The following PLEKHN1 variants were observed in gnomAD, a reference collection of about 807,000 sequenced individuals.
PLEKHN1 encodes pleckstrin homology domain-containing family N member 1.
A neutral mutation model predicts 72.8 loss-of-function variants in PLEKHN1; 68 were observed. The observed-to-expected ratio is 0.93, with a 90% CI of 0.77 to 1.14. PLEKHN1 has a LOEUF of 1.14. Ranked by LOEUF, PLEKHN1 falls within the 50% of genes most tolerant of loss-of-function variation. The pLI is 0.00. For synonymous variants in PLEKHN1, 454 were observed against 371.6 expected (o/e 1.22, Z -2.55); for missense variants, 1,015 against 840.5 (o/e 1.21, Z -2.57).
chr1:970,899 C>T lies in PLEKHN1; in HGVS notation c.505C>T (p.Leu169=), dbSNP rs369446393. ...CGCAGGCCCACTGCCCGCACCCCTC[C>T]TGGTGCTCTGCCCCAGCCGGGCCGA... ...QITGPLPAPL[L]VLCPSRAELD... is the part of the protein sequence containing the mutation. Residue 169 remains leucine (L), a synonymous_variant, in exon 6 of 16, where the codon CTG becomes TTG. Coordinates refer to ENST00000379410, the MANE Select transcript of PLEKHN1 (RefSeq NM_032129.3). This position sits in a 1 kb window ranked among gnomAD's most constrained non-coding sequence, Gnocchi z 4.2. 217 of 1,610,894 alleles carry T rather than the reference C, an allele frequency of 1.3e-4. No homozygotes were observed. The highest frequency in any genetic ancestry group is 1.2e-4 in the Non-Finnish European group (147 of 1,179,834).
chr1:974,731 T>A lies in PLEKHN1; in HGVS notation c.*156T>A. The stretch of plus-strand genomic sequence containing the variant: ...TCAGAGCCCGTCCCTCAGCTCCTGT[T>A]CCTTGGTGCCAGCAGCTGGGGCAGG... On this transcript the variant is annotated 3_prime_UTR_variant, in exon 16 of 16. Transcript: ENST00000379410. The A allele has an allele frequency of 1.2e-6, 1 of 825,026 alleles. No homozygotes were observed. Among genetic ancestry groups the A allele is most frequent in the Non-Finnish European group, 1.8e-6 (1 of 567,216 alleles). 51.1% of individuals were successfully genotyped at this position (825,026 alleles called of 1,614,324 possible). A position where few individuals can be genotyped will look rare whatever the true frequency, so the allele number is the denominator to read the frequency against.
At position 973,501 on chromosome 1, in the gene PLEKHN1, T is replaced by G; in HGVS notation, c.1295T>G (p.Leu432Arg). 1.2e-6 allele frequency: 2 copies of G among 1,612,784 alleles called. No individual in the cohort carries two copies. The highest frequency in any genetic ancestry group is 1.7e-5 in the Admixed American group (1 of 59,994). ...VTPLHLDLTQ[L>R]HRLSLESSPD... ...ATTTCTCCCACCTCTGCCCTGCAGC[T>G]GCACAGGCTGAGCCTGGAGAGCAGC... Residue 432 changes from leucine (L) to arginine (R), a missense_variant and splice_region_variant, in exon 13 of 16, where the codon CTG (leucine) becomes CGG (arginine). Leu to Arg is a moderately radical substitution (Grantham distance 102). Coordinates refer to ENST00000379410, the MANE Select transcript of PLEKHN1 (RefSeq NM_032129.3).
chr1:971,148 C>A lies in PLEKHN1; in HGVS notation c.648C>A (p.His216Gln). The change falls in exon 7 of 16, where the codon CAC (histidine) becomes CAA (glutamine). Residue 216 changes from histidine to glutamine, a missense_variant. Transcript: ENST00000379410. ...CCCGGCTGCGGACGGCGTCAGGGCACGAACCCGGCGGCAGTGCTGTCTGTG... is the reference window on the plus strand; with the variant it reads ...CCCGGCTGCGGACGGCGTCAGGGCAAGAACCCGGCGGCAGTGCTGTCTGTG... ...RLTRLRTASG[H>Q]EPGGSAVCAS... The A allele has an allele frequency of 6.2e-7, 1 of 1,600,578 alleles. No homozygotes were observed. Among genetic ancestry groups the A allele is most frequent in the Non-Finnish European group, 8.5e-7 (1 of 1,174,608 alleles).
chr1:972,813 TG>T (rs2100476208), intron 10 of PLEKHN1, 47 bp from the exon 11 acceptor site: 7 of 930,554 alleles, frequency 7.5e-6, no homozygotes, highest in South Asian at 3.2e-5. Context: ...CAGGGGCGGG[TG>T]GGGAGGGGGT....
Position 971,198 on chromosome 1 carries a change from T to C in PLEKHN1, c.698T>C (p.Leu233Pro). The stretch of plus-strand genomic sequence containing the variant: ...GCCTCGAGGGTCAAGCTGCAGCACC[T>C]GCCCGCACAGGTGGGTGGGAGGTGC... ...VCASRVKLQHLPAQEQWDRLL... is the reference protein window; with the variant it reads ...VCASRVKLQHPPAQEQWDRLL... The change falls in exon 7 of 16, where the codon CTG (leucine) becomes CCG (proline). Residue 233 changes from leucine to proline, a missense_variant. Physicochemically the swap from Leu to Pro is moderately conservative, Grantham distance 98. Coordinates refer to ENST00000379410, the MANE Select transcript of PLEKHN1 (RefSeq NM_032129.3). 1 of 1,580,342 alleles carries C rather than the reference T, an allele frequency of 6.3e-7. No homozygotes were observed.
intron 8 of PLEKHN1, 57 bp from the exon 9 acceptor site, chr1:972,018 A>G: frequency 6.5e-7 from 1 of 1,541,014 alleles, no homozygotes; most frequent in African/African-American, 1.4e-5. Flanking sequence ...GGATGAGGCC[A>G]GGCGGGGCCC....
chr1:970,721 G>C lies in PLEKHN1; in HGVS notation c.447G>C (p.Pro149=), dbSNP rs772414679. Residue 149 remains proline (P), a synonymous_variant, in exon 5 of 16, where the codon CCG becomes CCC. Coordinates refer to ENST00000379410, the MANE Select transcript of PLEKHN1 (RefSeq NM_032129.3). This position sits in a 1 kb window ranked among gnomAD's most constrained non-coding sequence, Gnocchi z 4.2. The part of the protein sequence containing the change: ...LLPLTELSVC[P]LEGSREHAFQ... Reference sequence around the variant, plus strand: ...CGCTGACGGAGCTGAGTGTCTGCCCGCTCGAGGGGTCCCGAGAGCACGCCT... The same window carrying C: ...CGCTGACGGAGCTGAGTGTCTGCCCCCTCGAGGGGTCCCGAGAGCACGCCT... The C allele has an allele frequency of 2.5e-6, 4 of 1,602,102 alleles. No homozygotes were observed. The highest frequency in any genetic ancestry group is 3.4e-6 in the Non-Finnish European group (4 of 1,172,874).
Position 970,135 on chromosome 1 carries a change from C to T in PLEKHN1, c.184-142C>T, listed in dbSNP as rs181345069. On this transcript the variant is annotated intron_variant, in intron 2 of 15. Coordinates refer to ENST00000379410, the MANE Select transcript of PLEKHN1 (RefSeq NM_032129.3). The surrounding 1 kb of genome is among the most constrained non-coding windows in gnomAD (Gnocchi z 4.2). The stretch of plus-strand genomic sequence containing the variant: ...TGTGTGGCTGTGCACAGGTTCTGTG[C>T]CTGTGGGGGGCTGTTCTTCACATAT... 324 of 727,218 alleles carry T rather than the reference C, an allele frequency of 4.5e-4. 1 individual carries two copies. The African/African-American group carries it at 5.3e-3, about 12-fold the overall frequency. 45.0% of individuals were successfully genotyped at this position (727,218 alleles called of 1,614,324 possible). A position where few individuals can be genotyped will look rare whatever the true frequency, so the allele number is the denominator to read the frequency against.
At position 974,499 on chromosome 1, in the gene PLEKHN1, C is replaced by CT. The variant is rs762613280; in HGVS notation, c.1763dup (p.Leu588PhefsTer15). 1 of 1,612,716 alleles carries CT rather than the reference C, an allele frequency of 6.2e-7. No homozygotes were observed. Among genetic ancestry groups the CT allele is most frequent in the East Asian group, 2.2e-5 (1 of 44,876 alleles). ...GGCTACGACCACCTCTGGGACGAGA[C>CT]TTTGTCTTCCTCCCACCAGAAGTGC... On this transcript the variant is annotated frameshift_variant, in exon 16 of 16. Coordinates refer to ENST00000379410, the MANE Select transcript of PLEKHN1 (RefSeq NM_032129.3). LOFTEE classifies it low-confidence loss of function (END_TRUNC).
In PLEKHN1 at chr1:973,603, C is replaced by G; in HGVS notation, c.1397C>G (p.Ser466Cys). 6.2e-7 allele frequency: 1 copy of G among 1,613,212 alleles called. No homozygotes were observed. The highest frequency in any genetic ancestry group is 8.5e-7 in the Non-Finnish European group (1 of 1,179,984). The change falls in exon 13 of 16, where the codon TCC (serine) becomes TGC (cysteine). Residue 466 changes from serine (S) to cysteine (C), a missense_variant. Transcript: ENST00000379410. ...YADPYTPPAT[S>C]HRRVTDVRGL... ...GACCCCTACACACCACCCGCCACCTCCCACCGCAGGGTCACAGATGTCCGG... is the reference window on the plus strand; with the variant it reads ...GACCCCTACACACCACCCGCCACCTGCCACCGCAGGGTCACAGATGTCCGG...
At position 973,222 on chromosome 1, in the gene PLEKHN1, C is replaced by T. The variant is rs747891825; in HGVS notation, c.1189C>T (p.Arg397Trp). ...CTCTGACCGTGCCAGCATTGGCCGA[C>T]GGAGGACCGAGCTGAGACGCAGTGG... ...ANSDRASIGR[R>W]RTELRRSGSS... Residue 397 changes from arginine to tryptophan, a missense_variant, in exon 12 of 16, where the codon CGG (arginine) becomes TGG (tryptophan). Coordinates refer to ENST00000379410, the MANE Select transcript of PLEKHN1 (RefSeq NM_032129.3). 34 of 1,540,994 alleles carry T rather than the reference C, an allele frequency of 2.2e-5. No homozygotes were observed. Among genetic ancestry groups the T allele is most frequent in the South Asian group, 2.1e-4 (18 of 83,816 alleles).
chr1:973,707 A>C (rs930270321), intron 13 of PLEKHN1, 67 bp downstream of exon 13: 26 of 1,584,696 alleles, frequency 1.6e-5, no homozygotes, highest in Middle Eastern at 3.4e-4. Flanking sequence ...GGAGGTCTAG[A>C]CCGTGCGTCT....
intron 8 of PLEKHN1, among the ~76,000 whole-genome samples, chr1:971,775 CT>C (rs2100469893): frequency 6.8e-6 from 1 of 146,060 alleles, no homozygotes; most frequent in East Asian, 2.0e-4. Context: ...CCTTCAGTCA[CT>C]GAGGAACAAA....
chr1:968,588 T>C (rs941249387), intron 2 of PLEKHN1, among the ~76,000 whole-genome samples: 6 of 152,106 alleles, frequency 3.9e-5, no homozygotes, highest in African/African-American at 1.4e-4. Flanking sequence ...CTGCTAGTGC[T>C]CCCATTCCCA....
Position 970,346 on chromosome 1 carries a change from C to T in PLEKHN1, c.253C>T (p.Arg85Trp), listed in dbSNP as rs751084833. The T allele has an allele frequency of 1.1e-5, 18 of 1,613,388 alleles. No individual in the cohort carries two copies. The highest frequency in any genetic ancestry group is 5.3e-5 in the African/African-American group (4 of 74,854). The part of the protein sequence containing the change: ...QPFLSVFKKG[R>W]RRVPVRNLGK... ...ATTCCTGAGTGTGTTCAAGAAGGGG[C>T]GGCGGAGGGTGCCTGTGAGGAACCT... The change falls in exon 3 of 16, where the codon CGG becomes TGG. Residue 85 changes from arginine to tryptophan, a missense_variant. Transcript: ENST00000379410. This position sits in a 1 kb window ranked among gnomAD's most constrained non-coding sequence, Gnocchi z 4.2.
chr1:969,347 GTGTA>G (rs1382506079), intron 2 of PLEKHN1, among the ~76,000 whole-genome samples: 3 of 150,292 alleles, frequency 2.0e-5, no homozygotes, highest in Non-Finnish European at 4.4e-5. Context: ...GTGCACAAGT[GTGTA>G]TGTGTGCATG....
At position 973,924 on chromosome 1, in the gene PLEKHN1, C is replaced by A; in HGVS notation, c.1526C>A (p.Ser509Tyr). The part of the protein sequence containing the change: ...PVSVPASDPR[S>Y]CSSGPAGPYL... ...TCTGTGCCTGCCTCTGACCCTCGCTCCTGCTCCTCCGGCCCCGCTGGCCCC... is the reference window on the plus strand; with the variant it reads ...TCTGTGCCTGCCTCTGACCCTCGCTACTGCTCCTCCGGCCCCGCTGGCCCC... The change falls in exon 14 of 16, where the codon TCC becomes TAC. Residue 509 changes from serine to tyrosine, a missense_variant. By Grantham distance (144) the Ser-to-Tyr change is moderately radical. Transcript: ENST00000379410. The A allele has an allele frequency of 3.7e-6, 6 of 1,611,384 alleles. No homozygotes were observed. The highest frequency in any genetic ancestry group is 5.1e-6 in the Non-Finnish European group (6 of 1,179,904).
At position 966,510 on chromosome 1, in the gene PLEKHN1, G is replaced by C; in HGVS notation, c.-22G>C. The stretch of plus-strand genomic sequence containing the variant: ...AGGCTGTGGACAGGGACCCAGACTT[G>C]CCGACCTGTACGACTCTGGCCATGG... On this transcript the variant is annotated 5_prime_UTR_variant, in exon 1 of 16. Transcript: ENST00000379410. 6.3e-7 allele frequency: 1 copy of C among 1,582,902 alleles called. No individual in the cohort carries two copies. Among genetic ancestry groups the C allele is most frequent in the Non-Finnish European group, 8.6e-7 (1 of 1,157,704 alleles).
At position 970,549 on chromosome 1, in the gene PLEKHN1, T is replaced by G; in HGVS notation, c.359T>G (p.Phe120Cys). 1.2e-6 allele frequency: 2 copies of G among 1,613,034 alleles called. No individual in the cohort carries two copies. Among genetic ancestry groups the G allele is most frequent in the Non-Finnish European group, 1.7e-6 (2 of 1,179,942 alleles). The change falls in exon 4 of 16, where the codon TTC becomes TGC. Residue 120 changes from phenylalanine to cysteine, a missense_variant. Coordinates refer to ENST00000379410, the MANE Select transcript of PLEKHN1 (RefSeq NM_032129.3). This position sits in a 1 kb window ranked among gnomAD's most constrained non-coding sequence, Gnocchi z 4.2. ...QDVSDCYLEL[F>C]PAHLYFQAHG... ...GTCAGCGACTGCTACCTGGAGCTAT[T>G]CCCCGCCCACCTGTACTTCCAGGCC...
Sources: allele counts gnomAD v4.1 joint callset (sites outside exome capture counted in the v4.1 genomes callset), GRCh38; gene constraint gnomAD v4.1.1; non-coding constraint Gnocchi (gnomAD v3.1); transcripts MANE v1.5; gene names NCBI Gene and HGNC (gene_info 2026-07-23, HGNC 2026-07-21).